SHISA9: variants seen among roughly 807,000 people sequenced by gnomAD.
The protein encoded by SHISA9 is shisa family member 9.
Under a neutral mutation model 38.0 loss-of-function variants are expected in SHISA9, and 13 were observed. That is an observed-to-expected ratio of 0.34 (90% CI 0.22 to 0.54). The LOEUF (loss-of-function observed/expected upper bound fraction) is 0.54, where lower values mean the gene tolerates loss of function less well. Among genes scored for constraint, SHISA9 ranks in the 20% least tolerant of loss-of-function variants. SHISA9 has a pLI of 0.91. For synonymous variants in SHISA9, 275 were observed against 242.0 expected, an observed-to-expected ratio of 1.14 and a Z score of -1.27; for missense variants, 538 against 575.8, an observed-to-expected ratio of 0.93 and a Z score of 0.67.
the SHISA9 span, among the ~76,000 whole-genome samples, chr16:13,447,034 TA>T: frequency 1.3e-3 from 180 of 141,406 alleles, no homozygotes; most frequent in East Asian, 5.9e-3. Flanking sequence ...TGTGGGGCTG[TA>T]AAAAAAAAAA....
At chr16:13,428,491 G>T in the SHISA9 span, among the ~76,000 whole-genome samples, 1 of 152,120 alleles carries the variant, frequency 6.6e-6, no homozygotes, top group African/African-American at 2.4e-5. Context: ...ATTCTGCTCT[G>T]GGAAACTTGG....
At chr16:13,495,262 A>G in the SHISA9 span, among the ~76,000 whole-genome samples, 1 of 152,176 alleles carries the variant, frequency 6.6e-6, no homozygotes, top group African/African-American at 2.4e-5. Context: ...TCTGTAGTGT[A>G]GAAAACAGTA....
chr16:13,021,340 A>G (rs1377582604), intron 2 of SHISA9, among the ~76,000 whole-genome samples: 3 of 152,172 alleles, frequency 2.0e-5, no homozygotes, highest in African/African-American at 4.8e-5. Flanking sequence ...ACTCATGAAC[A>G]GTGAGAAACT....
chr16:13,132,108 C>G (rs1157735844), intron 2 of SHISA9, among the ~76,000 whole-genome samples: 2 of 152,106 alleles, frequency 1.3e-5, no homozygotes, highest in African/African-American at 4.8e-5. Flanking sequence ...GAACAGAAAC[C>G]CTCCCTGATT....
At chr16:13,276,695 G>C in the SHISA9 span, among the ~76,000 whole-genome samples, 1 of 152,042 alleles carries the variant, frequency 6.6e-6, no homozygotes. Flanking sequence ...TCATATGTTT[G>C]TTGGCCATTT....
At chr16:13,068,605 G>T (rs532706010) in intron 2 of SHISA9, among the ~76,000 whole-genome samples, 2 of 152,310 alleles carry the variant, frequency 1.3e-5, no homozygotes, top group African/African-American at 4.8e-5. Context: ...GTAAACAAAC[G>T]TGATTCTGAG....
the SHISA9 span, among the ~76,000 whole-genome samples, chr16:13,456,258 A>C: frequency 6.6e-6 from 1 of 152,204 alleles, no homozygotes; most frequent in Non-Finnish European, 1.5e-5. Flanking sequence ...GGAAGCCGTT[A>C]GACTGTGCAC....
the SHISA9 span, among the ~76,000 whole-genome samples, chr16:13,317,050 G>A: frequency 6.6e-6 from 1 of 152,178 alleles, no homozygotes; most frequent in Non-Finnish European, 1.5e-5. Flanking sequence ...CCCAGACTGA[G>A]TCCCTAGCTG....
At chr16:13,030,666 A>C (rs970529181) in intron 2 of SHISA9, among the ~76,000 whole-genome samples, 1 of 152,230 alleles carries the variant, frequency 6.6e-6, no homozygotes, top group Admixed American at 6.5e-5. Context: ...AACATTGTAT[A>C]GTGTCACAGT....
At chr16:13,465,531 A>G in the SHISA9 span, among the ~76,000 whole-genome samples, 2 of 152,250 alleles carry the variant, frequency 1.3e-5, no homozygotes, top group African/African-American at 2.4e-5. Context: ...AGGATTTGGC[A>G]TAAGGAGAAG....
the SHISA9 span, among the ~76,000 whole-genome samples, chr16:13,259,679 G>T: frequency 6.6e-6 from 1 of 152,202 alleles, no homozygotes; most frequent in African/African-American, 2.4e-5. Flanking sequence ...CATAGAAGCT[G>T]CCAAGGCTTG....
chr16:12,908,615 G>C, intron 1 of SHISA9: 2 of 1,551,258 alleles, frequency 1.3e-6, no homozygotes, highest in Non-Finnish European at 1.7e-6. Context: ...GCTGCACTGC[G>C]TTTGAGTGCA....
At chr16:12,946,878 C>T (rs777353860) in intron 2 of SHISA9, among the ~76,000 whole-genome samples, 4 of 152,232 alleles carry the variant, frequency 2.6e-5, no homozygotes, top group Non-Finnish European at 4.4e-5. Context: ...TGCTTGCCCC[C>T]TGTTATTGTA....
At chr16:13,396,844 C>A in the SHISA9 span, among the ~76,000 whole-genome samples, 5 of 152,120 alleles carry the variant, frequency 3.3e-5, no homozygotes, top group African/African-American at 1.2e-4. Flanking sequence ...GAGTCCCCAT[C>A]ACTGCACACC....
chr16:13,422,521 C>T, the SHISA9 span, among the ~76,000 whole-genome samples: 44 of 152,166 alleles, frequency 2.9e-4, no homozygotes, highest in Non-Finnish European at 5.6e-4. Context: ...CATGGCGAAA[C>T]CCCATCTCTA....
intron 2 of SHISA9, among the ~76,000 whole-genome samples, chr16:13,150,607 A>T (rs552803074): frequency 6.6e-6 from 1 of 152,300 alleles, no homozygotes. Context: ...AATTGTTGAG[A>T]TGCAGAATTT....
chr16:13,004,794 C>T (rs779917385), intron 2 of SHISA9, among the ~76,000 whole-genome samples: 11 of 151,356 alleles, frequency 7.3e-5, no homozygotes, highest in South Asian at 2.1e-4. Context: ...TAGCTGAACG[C>T]GGTGGTGGGC....
chr16:13,175,036 G>A (rs930959934), intron 2 of SHISA9, among the ~76,000 whole-genome samples: 12 of 152,130 alleles, frequency 7.9e-5, no homozygotes, highest in African/African-American at 2.7e-4. Context: ...CTGCCTATCG[G>A]ATGCTAGCTC....
the SHISA9 span, among the ~76,000 whole-genome samples, chr16:13,279,628 G>A: frequency 6.6e-6 from 1 of 151,890 alleles, no homozygotes; most frequent in East Asian, 1.9e-4. Flanking sequence ...TTCTACAACT[G>A]ATGGATGTAG....
Sources: gnomAD v4.1 joint callset for allele counts (sites outside exome capture counted in the v4.1 genomes callset) on GRCh38, gnomAD v4.1.1 for gene constraint, MANE v1.5 for transcripts, NCBI Gene and HGNC (gene_info 2026-07-23, HGNC 2026-07-21) for gene names.